Variants in TBC1D5 observed in about 807,000 individuals in gnomAD.
TBC1D5 encodes the protein TBC1 domain family, member 5.
TBC1D5 carries 75 observed loss-of-function variants against 100.3 expected under a neutral mutation model. The observed-to-expected ratio is 0.75, with a 90% CI of 0.62 to 0.91. The LOEUF is 0.91. Ranked by LOEUF, TBC1D5 falls within the 40% of genes least tolerant of loss-of-function variation. TBC1D5 has a pLI of 0.00. For synonymous variants in TBC1D5, 323 were observed against 325.6 expected, an observed-to-expected ratio of 0.99 and a Z score of 0.09; for missense variants, 910 against 942.4, an observed-to-expected ratio of 0.97 and a Z score of 0.45.
rs1201068903 is a variant in TBC1D5 at position 17,345,741 on chromosome 3, T to TA, written c.995+26333dup. ...TACACCATGGAATACTATGCAGCCATAAAAAATGATGAGTTCATGTCCTTC... is the reference window on the plus strand; with the variant it reads ...TACACCATGGAATACTATGCAGCCATAAAAAAATGATGAGTTCATGTCCTTC... On this transcript the variant is annotated intron_variant, in intron 13 of 21. Transcript: ENST00000253692. 4.9e-4 allele frequency among the ~76,000 whole-genome samples: 74 copies of TA among 152,262 alleles called. 1 individual carries two copies. The highest frequency in any genetic ancestry group is 4.8e-3 in the Admixed American group (73 of 15,294).
rs79623209 is a variant in TBC1D5 at position 17,610,734 on chromosome 3, G to A, written c.-36+13115C>T. Among the ~76,000 whole-genome samples, 1,383 of 152,168 alleles carry A rather than the reference G, an allele frequency of 9.1e-3. 84 individuals are homozygous for A. Among genetic ancestry groups the A allele is most frequent in the Admixed American group, 0.072 (1,106 of 15,268 alleles). The stretch of plus-strand genomic sequence containing the variant: ...TCGCTCCTTTAAACTAGAGAAAATT[G>A]GGCCGGACGTGGAGGCTAACACCTG... On this transcript the variant is annotated intron_variant, in intron 2 of 21. Coordinates refer to ENST00000253692, the Ensembl canonical transcript of TBC1D5.
Position 17,320,350 on chromosome 3 carries a change from A to C in TBC1D5, c.996-12216T>G, listed in dbSNP as rs376395675. Among the ~76,000 whole-genome samples the C allele has an allele frequency of 3.3e-5, 5 of 152,320 alleles. No homozygotes were observed. In the South Asian group the frequency reaches 1.0e-3, roughly 32 times the overall value. ...TCTTGAACCCCACTCACTCATACCTACTAAATCAGAAGCTCTAGGCAAAGT... is the reference window on the plus strand; with the variant it reads ...TCTTGAACCCCACTCACTCATACCTCCTAAATCAGAAGCTCTAGGCAAAGT... On this transcript the variant is annotated intron_variant, in intron 13 of 21. Transcript: ENST00000253692.
chr3:17,412,244 G>T (rs1237208311), intron 4 of TBC1D5, among the ~76,000 whole-genome samples: 2 of 149,298 alleles, frequency 1.3e-5, no homozygotes, highest in Non-Finnish European at 3.0e-5. Flanking sequence ...CTACTGCAAA[G>T]AATTGAGTAG....
At chr3:17,282,211 G>A (rs758444805) in intron 15 of TBC1D5, among the ~76,000 whole-genome samples, 8 of 152,276 alleles carry the variant, frequency 5.3e-5, no homozygotes, top group African/African-American at 9.6e-5. Flanking sequence ...ATAGCAAGTC[G>A]GCGGTAAAGG....
chr3:17,395,448 C>G (rs772842983), intron 8 of TBC1D5, among the ~76,000 whole-genome samples: 1 of 151,922 alleles, frequency 6.6e-6, no homozygotes, highest in Non-Finnish European at 1.5e-5. Flanking sequence ...AAAGCATTAC[C>G]CCTGAAGTAC....
intron 2 of TBC1D5, among the ~76,000 whole-genome samples, chr3:17,541,102 G>C (rs1261251950): frequency 6.6e-6 from 1 of 150,856 alleles, no homozygotes; most frequent in Non-Finnish European, 1.5e-5. Flanking sequence ...GAGTCTTCAA[G>C]CTTTGTTCTT....
At chr3:17,639,466 TAAA>T (rs575558815) in intron 1 of TBC1D5, among the ~76,000 whole-genome samples, 1 of 140,210 alleles carries the variant, frequency 7.1e-6, no homozygotes, top group Non-Finnish European at 1.6e-5. Flanking sequence ...ACAATTTGGT[TAAA>T]AAAAAAAAAA....
At chr3:17,236,210 C>T (rs2075836759) in intron 17 of TBC1D5, among the ~76,000 whole-genome samples, 1 of 152,122 alleles carries the variant, frequency 6.6e-6, no homozygotes, top group African/African-American at 2.4e-5. Context: ...AAAATTTAAG[C>T]TACAACATTA....
At chr3:17,564,916 C>CAT (rs1196348616) in intron 2 of TBC1D5, among the ~76,000 whole-genome samples, 1 of 151,962 alleles carries the variant, frequency 6.6e-6, no homozygotes, top group Non-Finnish European at 1.5e-5. Context: ...AAATCAACAT[C>CAT]ATATATTCAT....
intron 14 of TBC1D5, among the ~76,000 whole-genome samples, chr3:17,306,149 T>C (rs531343510): frequency 6.6e-6 from 1 of 152,346 alleles, no homozygotes; most frequent in African/African-American, 2.4e-5. Context: ...TTCTGTCTTG[T>C]ATGCAGATCC....
intron 2 of TBC1D5, among the ~76,000 whole-genome samples, chr3:17,538,367 A>T (rs942571940): frequency 6.6e-6 from 1 of 152,154 alleles, no homozygotes; most frequent in African/African-American, 2.4e-5. Flanking sequence ...TCCAATGGGA[A>T]CGCTCGACAG....
chr3:17,586,207 G>A (rs916271443), intron 2 of TBC1D5: 5 of 152,184 alleles, frequency 3.3e-5, no homozygotes, highest in Admixed American at 6.5e-5. Flanking sequence ...ACTATTCCCT[G>A]AAGGAGTCTT....
At chr3:17,719,546 A>G (rs2075522690) in intron 1 of TBC1D5, among the ~76,000 whole-genome samples, 1 of 152,174 alleles carries the variant, frequency 6.6e-6, no homozygotes, top group Non-Finnish European at 1.5e-5. Flanking sequence ...GGTTTTGCAG[A>G]AAGGTCAAAC....
intron 18 of TBC1D5, among the ~76,000 whole-genome samples, chr3:17,191,605 T>C (rs1053530135): frequency 6.6e-6 from 1 of 152,116 alleles, no homozygotes; most frequent in South Asian, 2.1e-4. Flanking sequence ...CAGTATGCTA[T>C]GCAAACCTTA....
At chr3:17,739,035 G>C (rs1414166961) in intron 1 of TBC1D5, among the ~76,000 whole-genome samples, 1 of 152,122 alleles carries the variant, frequency 6.6e-6, no homozygotes, top group African/African-American at 2.4e-5. Flanking sequence ...AATAATTGAT[G>C]CTACTAGAAG....
At chr3:17,407,886 T>A (rs1205193803) in intron 4 of TBC1D5, among the ~76,000 whole-genome samples, 1 of 152,186 alleles carries the variant, frequency 6.6e-6, no homozygotes, top group African/African-American at 2.4e-5. Flanking sequence ...AAATTTCTTA[T>A]TCTCATCACT....
chr3:17,733,494 G>T (rs528255402), intron 1 of TBC1D5, among the ~76,000 whole-genome samples: 2 of 152,264 alleles, frequency 1.3e-5, no homozygotes, highest in Non-Finnish European at 2.9e-5. Context: ...AATCACTTGG[G>T]GGGGGTGGAG....
At chr3:17,343,264 T>C (rs1317641222) in intron 13 of TBC1D5, among the ~76,000 whole-genome samples, 1 of 152,076 alleles carries the variant, frequency 6.6e-6, no homozygotes, top group Non-Finnish European at 1.5e-5. Flanking sequence ...TATGCTGTAT[T>C]ACATTTATTG....
At chr3:17,187,931 A>C (rs2069349531) in intron 18 of TBC1D5, among the ~76,000 whole-genome samples, 1 of 152,234 alleles carries the variant, frequency 6.6e-6, no homozygotes, top group East Asian at 1.9e-4. Context: ...CACTTATTTT[A>C]AAATACAAAA....
Sources: gnomAD v4.1 joint callset for allele counts (sites outside exome capture counted in the v4.1 genomes callset) on GRCh38, gnomAD v4.1.1 for gene constraint, MANE v1.5 for transcripts, NCBI Gene and HGNC (gene_info 2026-07-23, HGNC 2026-07-21) for gene names.